Variants in CAST observed in about 807,000 individuals in gnomAD.
CAST encodes MIR583 host.
Under a neutral mutation model 119.6 loss-of-function variants are expected in CAST, and 76 were observed. The observed-to-expected ratio is 0.64, with a 90% CI of 0.53 to 0.77. The LOEUF (loss-of-function observed/expected upper bound fraction) is 0.77. Ranked by LOEUF, CAST falls within the 30% of genes least tolerant of loss-of-function variation. The pLI, the probability that CAST is intolerant of heterozygous loss-of-function variation, is 0.00. For missense variants in CAST, 953 were observed against 946.5 expected, an observed-to-expected ratio of 1.01 and a Z score of -0.09; for synonymous variants, 319 against 331.6, an observed-to-expected ratio of 0.96 and a Z score of 0.41.
chr5:96,201,785 T>C, the CAST span, among the ~76,000 whole-genome samples: 1 of 152,082 alleles, frequency 6.6e-6, no homozygotes, highest in Non-Finnish European at 1.5e-5. Flanking sequence ...ATATAAAGTG[T>C]CACAGTGCAT....
the CAST span, among the ~76,000 whole-genome samples, chr5:96,405,189 C>T: frequency 6.6e-6 from 1 of 152,148 alleles, no homozygotes; most frequent in Non-Finnish European, 1.5e-5. Context: ...ATAGATCAGT[C>T]ATACTTATCT....
the CAST span, among the ~76,000 whole-genome samples, chr5:96,380,094 G>A: frequency 6.6e-6 from 1 of 152,272 alleles, no homozygotes; most frequent in South Asian, 2.1e-4. Flanking sequence ...CACAACCCTG[G>A]AAGTCCTGAT....
intron 1 of CAST, among the ~76,000 whole-genome samples, chr5:96,628,543 A>C (rs914056128): frequency 4.6e-5 from 7 of 152,216 alleles, no homozygotes; most frequent in Admixed American, 4.6e-4. Context: ...GCTGGGTGAC[A>C]TAGTTAAAAG....
At chr5:96,506,479 T>C in the CAST span, among the ~76,000 whole-genome samples, 1 of 152,134 alleles carries the variant, frequency 6.6e-6, no homozygotes, top group Non-Finnish European at 1.5e-5. Flanking sequence ...CATTTTTCTC[T>C]GTGGAATGAC....
At chr5:96,444,695 C>T in the CAST span, among the ~76,000 whole-genome samples, 1 of 152,054 alleles carries the variant, frequency 6.6e-6, no homozygotes, top group African/African-American at 2.4e-5. Context: ...AATATCTTCT[C>T]ATGTCTGAGA....
chr5:96,736,510 C>T (rs1189735321), intron 10 of CAST, among the ~76,000 whole-genome samples: 1 of 152,054 alleles, frequency 6.6e-6, no homozygotes, highest in African/African-American at 2.4e-5. Flanking sequence ...CAGTTTCTCT[C>T]CTGCAAATAC....
chr5:96,648,594 C>G (rs1231674252), intron 1 of CAST, among the ~76,000 whole-genome samples: 2 of 152,034 alleles, frequency 1.3e-5, no homozygotes, highest in African/African-American at 2.4e-5. Context: ...GTGGCAACAT[C>G]TTTGAAGGAA....
chr5:96,688,708 G>C (rs1246448930), intron 2 of CAST, among the ~76,000 whole-genome samples: 1 of 152,078 alleles, frequency 6.6e-6, no homozygotes, highest in Admixed American at 6.6e-5. Context: ...GAAATTAGTT[G>C]TCTTGGATGA....
Position 96,572,534 on chromosome 5 carries a change from G to A in CAST, c.60+42654G>A, listed in dbSNP as rs1055259374. 9.9e-5 allele frequency among the ~76,000 whole-genome samples: 15 copies of A among 152,212 alleles called. 2 individuals are homozygous for A. Among genetic ancestry groups the A allele is most frequent in the African/African-American group, 3.6e-4 (15 of 41,530 alleles). Reference sequence around the variant, plus strand: ...TGCTATTTTTATAACACTTCACTTTGTGCAAAAGCTATAGGTCAGGCTAGT... The same window carrying A: ...TGCTATTTTTATAACACTTCACTTTATGCAAAAGCTATAGGTCAGGCTAGT... On this transcript the variant is annotated intron_variant, in intron 1 of 11. Transcript: ENST00000505143.
At chr5:96,721,764 G>A (rs922480562) in intron 3 of CAST, among the ~76,000 whole-genome samples, 1 of 152,170 alleles carries the variant, frequency 6.6e-6, no homozygotes, top group Non-Finnish European at 1.5e-5. Context: ...TACAAGTTAA[G>A]TACTAGAATA....
rs200665340 is a variant in CAST at position 96,757,433 on chromosome 5, C to T, written c.1711-11C>T. On this transcript the variant is annotated splice_polypyrimidine_tract_variant and intron_variant, in intron 22 of 31. Transcript: ENST00000675179. Reference sequence around the variant, plus strand: ...AATGATTTCATGCCATGTGTTTTCCCCCCCGGATAGGATAAAGATGGAAAG... The same window carrying T: ...AATGATTTCATGCCATGTGTTTTCCTCCCCGGATAGGATAAAGATGGAAAG... 2 of 1,613,162 alleles carry T rather than the reference C, an allele frequency of 1.2e-6. No homozygotes were observed. Among genetic ancestry groups the T allele is most frequent in the African/African-American group, 1.3e-5 (1 of 74,988 alleles).
At chr5:96,520,595 G>A (rs1745501145), upstream of CAST, among the ~76,000 whole-genome samples, 1 of 151,932 alleles carries the variant, frequency 6.6e-6, no homozygotes, top group African/African-American at 2.4e-5. Flanking sequence ...GTGTGTCTGT[G>A]TACCTGTGTG....
the CAST span, among the ~76,000 whole-genome samples, chr5:96,024,519 T>C: frequency 2.6e-5 from 4 of 152,180 alleles, no homozygotes; most frequent in Non-Finnish European, 4.4e-5. Flanking sequence ...GTTTTGTTTG[T>C]ACCAAAGAAC....
the CAST span, among the ~76,000 whole-genome samples, chr5:96,046,616 C>G: frequency 1.6e-4 from 25 of 152,214 alleles, no homozygotes; most frequent in Admixed American, 1.6e-3. Flanking sequence ...ATGGCACTGG[C>G]TCTGGCCTGC....
At chr5:95,976,195 A>G in the CAST span, among the ~76,000 whole-genome samples, 1 of 151,194 alleles carries the variant, frequency 6.6e-6, no homozygotes, top group African/African-American at 2.4e-5. Flanking sequence ...TAGATCTAGT[A>G]TTCCGTTGTT....
chr5:96,708,362 G>A (rs183339272), intron 3 of CAST, among the ~76,000 whole-genome samples: 10 of 152,140 alleles, frequency 6.6e-5, no homozygotes, highest in African/African-American at 1.7e-4. Context: ...TCTTGCAGTC[G>A]CTTAAGTCTC....
intron 1 of CAST, among the ~76,000 whole-genome samples, chr5:96,624,586 G>A (rs1228218233): frequency 1.3e-5 from 2 of 152,106 alleles, no homozygotes; most frequent in African/African-American, 4.8e-5. Context: ...TATTTTTAAT[G>A]GGCATGAAAA....
the CAST span, among the ~76,000 whole-genome samples, chr5:96,036,414 T>C: frequency 6.6e-5 from 10 of 152,138 alleles, no homozygotes; most frequent in South Asian, 1.0e-3. Context: ...CTCTATATTA[T>C]ACATATCCCT....
At chr5:96,363,250 G>C in the CAST span, among the ~76,000 whole-genome samples, 1 of 149,090 alleles carries the variant, frequency 6.7e-6, no homozygotes, top group Non-Finnish European at 1.5e-5. Flanking sequence ...TTGTAGTATA[G>C]TTTGAAGTCA....
Sources: gnomAD v4.1 joint callset for allele counts (sites outside exome capture counted in the v4.1 genomes callset) on GRCh38, gnomAD v4.1.1 for gene constraint, MANE v1.5 for transcripts, NCBI Gene and HGNC (gene_info 2026-07-23, HGNC 2026-07-21) for gene names.